The following PCLO variants were observed in gnomAD, a reference collection of about 807,000 sequenced individuals.
The protein encoded by PCLO is piccolo presynaptic cytomatrix protein.
PCLO carries 82 observed loss-of-function variants against 427.5 expected under a neutral mutation model. The observed-to-expected ratio is 0.19, with a 90% CI of 0.16 to 0.23. The LOEUF (loss-of-function observed/expected upper bound fraction) is 0.23. Among genes scored for constraint, PCLO ranks in the 10% least tolerant of loss-of-function variants. The pLI is 1.00. For missense variants in PCLO, 6,239 were observed against 6,115.9 expected (o/e 1.02, Z -0.67); for synonymous variants, 2,357 against 2,155.4 (o/e 1.09, Z -2.59).
chr7:82,798,096 T>C (rs1035958593), intron 22 of PCLO, among the ~76,000 whole-genome samples: 10 of 152,148 alleles, frequency 6.6e-5, no homozygotes, highest in Admixed American at 1.3e-4. Context: ...AAGTGATTAC[T>C]TAAAATCTAT....
intron 3 of PCLO, among the ~76,000 whole-genome samples, chr7:83,107,192 T>C (rs924317180): frequency 6.6e-6 from 1 of 152,168 alleles, no homozygotes; most frequent in Non-Finnish European, 1.5e-5. Flanking sequence ...TGATAGGTAG[T>C]TTTTCAGTCC....
In PCLO at chr7:82,952,695, T is replaced by A. The variant is rs370326006; in HGVS notation, c.8258A>T (p.Asp2753Val). Residue 2753 changes from aspartate (D) to valine (V), a missense_variant, in exon 5 of 25, where the codon GAT becomes GTT. Asp to Val is a radical substitution (Grantham distance 152). Around this residue, in one of 5 missense-constraint regions of PCLO, gnomAD observed 4,677 missense variants for 4,468.4 expected, o/e 1.05. Coordinates refer to ENST00000333891, the MANE Select transcript of PCLO (RefSeq NM_033026.6). ...KCIDLSASTM[D>V]VKRQITANEV... is the part of the protein sequence containing the mutation. The stretch of plus-strand genomic sequence containing the variant: ...ATTTGCTGTGATCTGCCTTTTCACA[T>A]CCATTGTAGAAGCAGAAAGATCAAT... 2 of 1,613,820 alleles carry A rather than the reference T, an allele frequency of 1.2e-6. No homozygotes were observed. Among genetic ancestry groups the A allele is most frequent in the African/African-American group, 2.7e-5 (2 of 74,942 alleles).
chr7:83,116,040 ATAT>A (rs1326996273), intron 3 of PCLO, among the ~76,000 whole-genome samples: 2 of 152,030 alleles, frequency 1.3e-5, no homozygotes, highest in Admixed American at 1.3e-4. Context: ...AAAGAAAAAC[ATAT>A]TATTTCAATT....
intron 8 of PCLO, among the ~76,000 whole-genome samples, chr7:82,908,498 C>T (rs190517731): frequency 1.5e-3 from 224 of 152,256 alleles, no homozygotes; most frequent in Non-Finnish European, 2.6e-3. Flanking sequence ...CATGCTCTCA[C>T]TTGCTCTTAG....
intron 3 of PCLO, among the ~76,000 whole-genome samples, 186 bp from the exon 4 acceptor site, chr7:82,966,673 T>C (rs1795782328): frequency 6.6e-6 from 1 of 152,202 alleles, no homozygotes; most frequent in South Asian, 2.1e-4. Context: ...CTATTTGAAC[T>C]GTAAAACTGT....
At chr7:82,819,712 C>A (rs2115624854) in intron 20 of PCLO, among the ~76,000 whole-genome samples, 1 of 152,128 alleles carries the variant, frequency 6.6e-6, no homozygotes, top group African/African-American at 2.4e-5. Context: ...CAGTGGTTTA[C>A]CTCTGTAATG....
intron 3 of PCLO, among the ~76,000 whole-genome samples, chr7:82,976,060 T>C (rs1445495808): frequency 1.3e-5 from 2 of 152,196 alleles, no homozygotes; most frequent in Admixed American, 1.3e-4. Flanking sequence ...ATATTTTGTA[T>C]GGGATTTGGC....
intron 22 of PCLO, among the ~76,000 whole-genome samples, chr7:82,779,756 T>C (rs1210303476): frequency 1.3e-5 from 2 of 150,874 alleles, no homozygotes; most frequent in Admixed American, 1.3e-4. Context: ...CTTTTTTTTT[T>C]TTTTAGACAG....
At chr7:82,970,981 A>T (rs1277933752) in intron 3 of PCLO, among the ~76,000 whole-genome samples, 1 of 151,848 alleles carries the variant, frequency 6.6e-6, no homozygotes, top group Admixed American at 6.6e-5. Context: ...TAACCTAAAC[A>T]TCTGTAGGTC....
chr7:82,904,405 A>T (rs1343184123), intron 8 of PCLO, among the ~76,000 whole-genome samples: 2 of 151,414 alleles, frequency 1.3e-5, no homozygotes, highest in African/African-American at 4.9e-5. Flanking sequence ...CCTAATATGC[A>T]TTTAAAAATC....
At chr7:82,766,068 G>A (rs966544833) in intron 22 of PCLO, among the ~76,000 whole-genome samples, 2 of 152,102 alleles carry the variant, frequency 1.3e-5, no homozygotes, top group African/African-American at 4.8e-5. Context: ...ACAAAATCTT[G>A]TCAGGAAAAG....
At chr7:82,887,215 G>A (rs1793648423) in intron 9 of PCLO, among the ~76,000 whole-genome samples, 1 of 152,106 alleles carries the variant, frequency 6.6e-6, no homozygotes, top group Non-Finnish European at 1.5e-5. Context: ...GAAACTTGCT[G>A]TAGGATGTCC....
intron 3 of PCLO, among the ~76,000 whole-genome samples, chr7:83,007,826 CAG>C (rs1397712567): frequency 6.6e-6 from 1 of 151,410 alleles, no homozygotes; most frequent in Admixed American, 6.6e-5. Flanking sequence ...TTATCTACTT[CAG>C]AGAGTTGTTA....
chr7:82,951,212 C>T lies in PCLO; in HGVS notation c.9376G>A (p.Ala3126Thr), dbSNP rs2116426073. The T allele has an allele frequency of 6.2e-7, 1 of 1,613,660 alleles. No homozygotes were observed. The highest frequency in any genetic ancestry group is 8.5e-7 in the Non-Finnish European group (1 of 1,179,750). ...TGCATGGCAGGTAATGAAGTCACTGCATCAGCCGTATGAATACCAGACAAA... is the reference window on the plus strand; with the variant it reads ...TGCATGGCAGGTAATGAAGTCACTGTATCAGCCGTATGAATACCAGACAAA... ...RDLSGIHTAD[A>T]VTSLPAMHHS... is the part of the protein sequence containing the mutation. Residue 3126 changes from alanine to threonine, a missense_variant, in exon 6 of 25, where the codon GCA becomes ACA. Around this residue, in one of 5 missense-constraint regions of PCLO, gnomAD observed 4,677 missense variants for 4,468.4 expected, o/e 1.05. Coordinates refer to ENST00000333891, the MANE Select transcript of PCLO (RefSeq NM_033026.6).
intron 9 of PCLO, among the ~76,000 whole-genome samples, chr7:82,899,741 A>G (rs919729667): frequency 1.3e-5 from 2 of 151,592 alleles, no homozygotes; most frequent in Non-Finnish European, 3.0e-5. Flanking sequence ...AAGAGCTGGC[A>G]TTTATTTTTG....
intron 22 of PCLO, among the ~76,000 whole-genome samples, chr7:82,791,118 T>C (rs1791091779): frequency 6.6e-6 from 1 of 152,214 alleles, no homozygotes; most frequent in South Asian, 2.1e-4. Context: ...AAAGGATTCC[T>C]GTGAGAATTG....
intron 6 of PCLO, among the ~76,000 whole-genome samples, chr7:82,937,929 G>A (rs1339312657): frequency 6.6e-6 from 1 of 151,852 alleles, no homozygotes; most frequent in Non-Finnish European, 1.5e-5. Context: ...CTCCACATTA[G>A]ATTCCAAATC....
Position 82,813,192 on chromosome 7 carries a change from G to T in PCLO, c.14792-7363C>A, listed in dbSNP as rs376068780. Among the ~76,000 whole-genome samples the T allele has an allele frequency of 5.3e-5, 8 of 151,728 alleles. No individual in the cohort carries two copies. In the East Asian group the frequency reaches 9.7e-4, roughly 18 times the overall value. ...TTGGTCAATGGCCACGAAGTAAAGA[G>T]GAAGTTTGGACAGTTATTTGATAAA... On this transcript the variant is annotated intron_variant, in intron 20 of 24. Coordinates refer to ENST00000333891, the MANE Select transcript of PCLO (RefSeq NM_033026.6).
chr7:83,023,424 G>A (rs1583918783), intron 3 of PCLO, among the ~76,000 whole-genome samples: 1 of 152,272 alleles, frequency 6.6e-6, no homozygotes, highest in East Asian at 1.9e-4. Context: ...CTAACAGCTT[G>A]CCCAGTTTAT....
Sources: gnomAD v4.1 joint callset for allele counts (sites outside exome capture counted in the v4.1 genomes callset) on GRCh38, gnomAD v4.1.1 for gene constraint, gnomAD v4.1.1 regional missense constraint, MANE v1.5 for transcripts, NCBI Gene and HGNC (gene_info 2026-07-23, HGNC 2026-07-21) for gene names.